Variants in PLEKHG1 observed in about 807,000 individuals in gnomAD.
The protein encoded by PLEKHG1 is pleckstrin homology and RhoGEF domain containing G1, also known as pleckstrin homology domain-containing family G member 1.
In PLEKHG1, 44 loss-of-function variants were observed where a neutral mutation model predicts 100.8. The observed-to-expected ratio is 0.44, with a 90% confidence interval of 0.34 to 0.56. The LOEUF is 0.56. Among genes scored for constraint, PLEKHG1 ranks in the 20% least tolerant of loss-of-function variants. The pLI is 0.01. For missense variants in PLEKHG1, 1,545 were observed against 1,720.9 expected (o/e 0.90, Z 1.81); for synonymous variants, 640 against 662.5 (o/e 0.97, Z 0.52).
chr6:150,673,732 C>G (rs1335630983), intron 3 of PLEKHG1, among the ~76,000 whole-genome samples: 1 of 152,030 alleles, frequency 6.6e-6, no homozygotes, highest in Non-Finnish European at 1.5e-5. Flanking sequence ...ACAATCACGA[C>G]TCACTGCAGC....
intron 1 of PLEKHG1, among the ~76,000 whole-genome samples, chr6:150,606,743 G>A (rs1776616654): frequency 6.6e-6 from 1 of 152,124 alleles, no homozygotes. Flanking sequence ...ATTTCTGGCT[G>A]TAATCAAGTA....
intron 1 of PLEKHG1, among the ~76,000 whole-genome samples, chr6:150,729,211 T>TCA (rs1233475658): frequency 1.3e-5 from 2 of 152,186 alleles, no homozygotes; most frequent in African/African-American, 4.8e-5. Context: ...GCACAGGCCG[T>TCA]CACACCTGGC....
chr6:150,721,145 G>T, exon 1 of PLEKHG1: 1 of 985,412 alleles, frequency 1.0e-6, no homozygotes, highest in Non-Finnish European at 1.2e-6. Flanking sequence ...TTACCTGACT[G>T]AGGTCACTGC....
In PLEKHG1 at chr6:150,650,206, G is replaced by T. The variant is rs558503746; in HGVS notation, c.-157-522G>T. ...TGGAAAGTGAGAAGAACTCAGAGAA[G>T]AGTGGCTGTGGCCTTAGGCAATTGT... On this transcript the variant is annotated intron_variant, in intron 2 of 3. Coordinates refer to the PLEKHG1 transcript ENST00000367326. Among the ~76,000 whole-genome samples, 8 of 152,256 alleles carry T rather than the reference G, an allele frequency of 5.3e-5. No individual in the cohort carries two copies. The South Asian group carries it at 1.7e-3, about 32-fold the overall frequency.
Position 150,600,249 on chromosome 6 carries a change from G to T in PLEKHG1, c.-204+232G>T, listed in dbSNP as rs1776281510. Among the ~76,000 whole-genome samples, 1 of 151,512 alleles carries T rather than the reference G, an allele frequency of 6.6e-6. No homozygotes were observed. Among genetic ancestry groups the T allele is most frequent in the Non-Finnish European group, 1.5e-5 (1 of 67,778 alleles). ...GCACCGCGCGGTGGGGACGGAGGGC[G>T]CTGGGGGGCGCCGCGTCTCGGGGGT... On this transcript the variant is annotated intron_variant, in intron 1 of 3. Coordinates refer to the PLEKHG1 transcript ENST00000367326. The surrounding 1 kb of genome is among the most constrained non-coding windows in gnomAD (Gnocchi z 6.2).
exon 16 of PLEKHG1, chr6:150,841,020 T>C: frequency 1.3e-6 from 1 of 778,530 alleles, no homozygotes; most frequent in Non-Finnish European, 2.2e-6. Context: ...GTGTAAAATA[T>C]ACTTTCTTTT....
At chr6:150,713,374 A>C (rs996213531) in intron 3 of PLEKHG1, among the ~76,000 whole-genome samples, 2 of 152,172 alleles carry the variant, frequency 1.3e-5, no homozygotes, top group African/African-American at 2.4e-5. Flanking sequence ...GGCCTTTATA[A>C]ATATCTCCGT....
intron 4 of PLEKHG1, among the ~76,000 whole-genome samples, chr6:150,789,640 A>T (rs1298000344): frequency 6.6e-6 from 1 of 152,198 alleles, no homozygotes; most frequent in Non-Finnish European, 1.5e-5. Flanking sequence ...TTGTTTTCTA[A>T]TTTGTATTTC....
At chr6:150,803,737 T>C (rs1324015665) in intron 6 of PLEKHG1, among the ~76,000 whole-genome samples, 1 of 152,218 alleles carries the variant, frequency 6.6e-6, no homozygotes, top group African/African-American at 2.4e-5. Flanking sequence ...TGCTAAAATG[T>C]CTACTTGCTA....
Position 150,800,713 on chromosome 6 carries a change from C to T in PLEKHG1, c.630-6C>T. ...ATTTAGATAAAAACATGGACTCTTC[C>T]TGCAGGTCCGTGGCTGTGCTAACAG... On this transcript the variant is annotated splice_region_variant and splice_polypyrimidine_tract_variant and intron_variant, in intron 5 of 15. Coordinates refer to ENST00000358517, the Ensembl canonical transcript of PLEKHG1. 1 of 1,612,558 alleles carries T rather than the reference C, an allele frequency of 6.2e-7. No individual in the cohort carries two copies. The highest frequency in any genetic ancestry group is 8.5e-7 in the Non-Finnish European group (1 of 1,179,082).
At chr6:150,655,539 TG>T (rs1313929537) in intron 3 of PLEKHG1, among the ~76,000 whole-genome samples, 1 of 151,948 alleles carries the variant, frequency 6.6e-6, no homozygotes, top group African/African-American at 2.4e-5. Flanking sequence ...AAACCCCGTC[TG>T]TACTAAAAAT....
intron 2 of PLEKHG1, among the ~76,000 whole-genome samples, chr6:150,764,009 C>G (rs1200774057): frequency 6.6e-6 from 1 of 152,184 alleles, no homozygotes; most frequent in Non-Finnish European, 1.5e-5. Flanking sequence ...TACCTCTCCT[C>G]TCCACCTGAC....
intron 3 of PLEKHG1, among the ~76,000 whole-genome samples, chr6:150,676,888 C>T (rs184354855): frequency 5.6e-4 from 86 of 152,264 alleles, no homozygotes; most frequent in Non-Finnish European, 1.1e-3. Flanking sequence ...GGTGCCTTAA[C>T]CACAAGCTTC....
intron 1 of PLEKHG1, among the ~76,000 whole-genome samples, chr6:150,620,700 A>C (rs1002306464): frequency 3.3e-5 from 5 of 152,244 alleles, no homozygotes; most frequent in Non-Finnish European, 5.9e-5. Flanking sequence ...TTCAGCAAAT[A>C]TCTCTATACC....
At chr6:150,621,709 T>C (rs1211099563) in intron 1 of PLEKHG1, among the ~76,000 whole-genome samples, 1 of 152,160 alleles carries the variant, frequency 6.6e-6, no homozygotes, top group Non-Finnish European at 1.5e-5. Flanking sequence ...AAGCCCGCAA[T>C]TTGAAAACTG....
chr6:150,604,160 A>G (rs545517207), intron 1 of PLEKHG1, among the ~76,000 whole-genome samples: 2 of 152,380 alleles, frequency 1.3e-5, no homozygotes, highest in South Asian at 4.1e-4. Flanking sequence ...GCATGAGTCT[A>G]ATAACAGCTA....
chr6:150,808,915 T>C (rs1216745460), intron 7 of PLEKHG1, among the ~76,000 whole-genome samples, 190 bp from the exon 9 acceptor site: 2 of 152,196 alleles, frequency 1.3e-5, no homozygotes, highest in Non-Finnish European at 2.9e-5. Flanking sequence ...CCTGATTCAT[T>C]GCTGTTAACC....
intron 3 of PLEKHG1, among the ~76,000 whole-genome samples, chr6:150,715,612 C>G (rs923993256): frequency 3.3e-5 from 5 of 150,920 alleles, no homozygotes; most frequent in Non-Finnish European, 7.4e-5. Context: ...CTCAGTCTCC[C>G]GAGTAACTGG....
At chr6:150,696,145 G>C (rs1412297429) in intron 3 of PLEKHG1, among the ~76,000 whole-genome samples, 1 of 152,150 alleles carries the variant, frequency 6.6e-6, no homozygotes, top group African/African-American at 2.4e-5. Context: ...ACTATTTTAG[G>C]ATGTCTTCCC....
Sources: allele counts gnomAD v4.1 joint callset (sites outside exome capture counted in the v4.1 genomes callset), GRCh38; gene constraint gnomAD v4.1.1; non-coding constraint Gnocchi (gnomAD v3.1); transcripts MANE v1.5; gene names NCBI Gene and HGNC (gene_info 2026-07-23, HGNC 2026-07-21).